PLCD1: variants seen among roughly 807,000 people sequenced by gnomAD.
PLCD1 encodes the protein 1-phosphatidylinositol 4,5-bisphosphate phosphodiesterase delta-1.
Under a neutral mutation model 87.4 loss-of-function variants are expected in PLCD1, and 71 were observed. That is an observed-to-expected ratio of 0.81 (90% confidence interval 0.67 to 0.99). The LOEUF is 0.99. Ranked by LOEUF, PLCD1 falls within the 50% of genes least tolerant of loss-of-function variation. The pLI is 0.00. For synonymous variants in PLCD1, 348 were observed against 399.2 expected, an observed-to-expected ratio of 0.87 and a Z score of 1.53; for missense variants, 867 against 1,001.5, an observed-to-expected ratio of 0.87 and a Z score of 1.81.
rs1463748803 is a variant in PLCD1, at chr3:38,017,149, C to T, written c.200-430G>A. On this transcript the variant is annotated intron_variant, in intron 2 of 14. Coordinates refer to ENST00000334661, the MANE Select transcript of PLCD1 (RefSeq NM_006225.4). The surrounding 1 kb of genome is among the most constrained non-coding windows in gnomAD (Gnocchi z 4.7). ...CCACTCTGGAGTGTGGGGCCCATGA[C>T]AGAGAAGGGCCATGCACCCTTCTGA... 6.6e-6 allele frequency among the ~76,000 whole-genome samples: 1 copy of T among 152,024 alleles called. No individual in the cohort carries two copies. The highest frequency in any genetic ancestry group is 1.5e-5 in the Non-Finnish European group (1 of 67,976).
At chr3:38,027,802 A>C (rs958280419) in intron 1 of PLCD1, among the ~76,000 whole-genome samples, 6 of 152,364 alleles carry the variant, frequency 3.9e-5, no homozygotes, top group Admixed American at 3.9e-4. Flanking sequence ...TCTCCTTGAC[A>C]GGTTCTTATT....
At chr3:38,024,288 G>T in intron 1 of PLCD1, 9 of 1,544,096 alleles carry the variant, frequency 5.8e-6, no homozygotes, top group Non-Finnish European at 8.0e-6. Flanking sequence ...TCCTGCTCCA[G>T]CTGCCTTCCC....
At position 38,009,394 on chromosome 3, in the gene PLCD1, A is replaced by G; in HGVS notation, c.1484T>C (p.Met495Thr). The change falls in exon 10 of 15, where the codon ATG (methionine) becomes ACG (threonine). Residue 495 changes from methionine to threonine, a missense_variant. By Grantham distance (81) the Met-to-Thr change is moderately conservative. Coordinates refer to ENST00000334661, the MANE Select transcript of PLCD1 (RefSeq NM_006225.4). ...KLRLAQELSD[M>T]VIYCKSVHFG... ...GTGGACACTCTTGCAGTAAATGACC[A>G]TGTCAGAGAGCTCCTGTGCTAGCCT... is the stretch of plus-strand genomic sequence containing the variant. 1 of 1,614,144 alleles carries G rather than the reference A, an allele frequency of 6.2e-7. No individual in the cohort carries two copies. The highest frequency in any genetic ancestry group is 8.5e-7 in the Non-Finnish European group (1 of 1,180,012).
chr3:38,019,807 C>A (rs1700206998), intron 2 of PLCD1, among the ~76,000 whole-genome samples: 1 of 152,198 alleles, frequency 6.6e-6, no homozygotes. Context: ...CCGGAAGTAC[C>A]TTATCTGCCT....
intron 1 of PLCD1, among the ~76,000 whole-genome samples, chr3:38,021,330 T>A (rs1283060297): frequency 6.6e-6 from 1 of 152,160 alleles, no homozygotes; most frequent in Non-Finnish European, 1.5e-5. Context: ...TAAGGCACAG[T>A]GCATCCCTTT....
At chr3:38,019,795 C>A (rs994850379) in intron 2 of PLCD1, among the ~76,000 whole-genome samples, 10 of 152,188 alleles carry the variant, frequency 6.6e-5, no homozygotes, top group African/African-American at 2.4e-4. Flanking sequence ...GGCCACTCAA[C>A]CCCGGAAGTA....
intron 4 of PLCD1, 33 bp from the exon 5 acceptor site, chr3:38,011,478 G>A (rs767852050): frequency 7.4e-6 from 12 of 1,613,726 alleles, no homozygotes; most frequent in East Asian, 4.5e-5. Context: ...TGGGCTCAGA[G>A]CAGGCCTTGG....
At chr3:38,013,761 C>T (rs913138978) in intron 3 of PLCD1, among the ~76,000 whole-genome samples, 2 of 152,042 alleles carry the variant, frequency 1.3e-5, no homozygotes, top group African/African-American at 4.8e-5. Context: ...AAGGCTCTGC[C>T]AAAGGTGGGA....
chr3:38,020,973 G>A (rs1307981722), intron 1 of PLCD1, among the ~76,000 whole-genome samples: 2 of 152,274 alleles, frequency 1.3e-5, no homozygotes, highest in East Asian at 3.9e-4. Context: ...CTGCTTTCCT[G>A]TCTATGAAAT....
At chr3:38,016,368 C>CTATGATATT (rs1700153735) in intron 3 of PLCD1, 123 bp downstream of exon 3, 1 of 722,394 alleles carries the variant, frequency 1.4e-6, no homozygotes, top group Non-Finnish European at 2.5e-6. Flanking sequence ...TTTAAGCCAC[C>CTATGATATT]TATGATATTT....
chr3:38,028,154 A>C (rs928960901), intron 1 of PLCD1, among the ~76,000 whole-genome samples: 26 of 152,198 alleles, frequency 1.7e-4, no homozygotes, highest in African/African-American at 6.3e-4. Flanking sequence ...ACGCTGTGTC[A>C]GAGAGAAAGC....
chr3:38,010,200 G>GT lies in PLCD1; in HGVS notation c.1067dup (p.His356GlnfsTer74), dbSNP rs907966969. ...GGATCTTGGAAGTGAAAGTATAGCC[G>GT]TGGTAGATGATTGGTTCCTGGTTGG... is the stretch of plus-strand genomic sequence containing the variant. On this transcript the variant is annotated frameshift_variant, in exon 7 of 15. Coordinates refer to ENST00000334661, the MANE Select transcript of PLCD1 (RefSeq NM_006225.4). LOFTEE classifies it high-confidence loss of function. The GT allele has an allele frequency of 3.1e-6, 5 of 1,614,116 alleles. No homozygotes were observed. Among genetic ancestry groups the GT allele is most frequent in the African/African-American group, 2.7e-5 (2 of 74,938 alleles).
chr3:38,027,947 G>A (rs150163887), intron 1 of PLCD1, among the ~76,000 whole-genome samples: 1 of 152,366 alleles, frequency 6.6e-6, no homozygotes, highest in African/African-American at 2.4e-5. Flanking sequence ...AGGCTGGACT[G>A]AGTTAGGCAT....
chr3:38,013,806 A>T (rs545424874), intron 3 of PLCD1, among the ~76,000 whole-genome samples: 5 of 152,378 alleles, frequency 3.3e-5, no homozygotes, highest in Non-Finnish European at 5.9e-5. Context: ...GGGCTTTTTA[A>T]AAAGCTCACA....
chr3:38,024,344 C>T (rs901700961), intron 1 of PLCD1: 3 of 1,612,884 alleles, frequency 1.9e-6, no homozygotes, highest in Non-Finnish European at 2.5e-6. Context: ...TACCCAGCCT[C>T]CGTCCATTGA....
rs1700044855 is a variant in PLCD1, at chr3:38,010,041, GGTAGGGGGAC to G, written c.1140_1149del (p.Ser381LeufsTer17). 1 of 1,614,226 alleles carries G rather than the reference GGTAGGGGGAC, an allele frequency of 6.2e-7. No homozygotes were observed. On this transcript the variant is annotated frameshift_variant and splice_region_variant, in exon 8 of 15. Transcript: ENST00000334661. LOFTEE classifies it high-confidence loss of function. ...TGGTTCTCCAGGGATAGGATGACAG[GGTAGGGGGAC>G]GCCTGGAGGCCCAAGGGCACATTAG...
intron 14 of PLCD1, 43 bp from the exon 15 acceptor site, chr3:38,007,901 G>A: frequency 6.2e-7 from 1 of 1,607,688 alleles, no homozygotes; most frequent in Non-Finnish European, 8.5e-7. Flanking sequence ...GAGAGTTCTG[G>A]TCATTCGGCG....
Position 38,011,401 on chromosome 3 carries a change from A to G in PLCD1, c.603T>C (p.Ile201=), listed in dbSNP as rs778196169. The change falls in exon 5 of 15, where the codon ATT becomes ATC. Residue 201 remains isoleucine, a synonymous_variant. Transcript: ENST00000334661. ...SQTDSLEDEE[I]EAFYKMLTQR... is the part of the protein sequence containing the mutation. ...GGGTCAGCATCTTGTAGAAGGCCTC[A>G]ATCTCCTCGTCCTCCAGGGAGTCTG... 1.9e-6 allele frequency: 3 copies of G among 1,613,912 alleles called. No individual in the cohort carries two copies. The highest frequency in any genetic ancestry group is 1.7e-4 in the Middle Eastern group (1 of 5,860).
intron 3 of PLCD1, among the ~76,000 whole-genome samples, chr3:38,015,320 G>T (rs184668176): frequency 6.6e-6 from 1 of 152,172 alleles, no homozygotes; most frequent in East Asian, 1.9e-4. Flanking sequence ...CACGCTAAAT[G>T]AAAGAAGCCA....
Sources: allele counts gnomAD v4.1 joint callset (sites outside exome capture counted in the v4.1 genomes callset), GRCh38; gene constraint gnomAD v4.1.1; non-coding constraint Gnocchi (gnomAD v3.1); transcripts MANE v1.5; gene names NCBI Gene and HGNC (gene_info 2026-07-23, HGNC 2026-07-21).